The following NAA35 variants were observed in gnomAD, a reference collection of about 807,000 sequenced individuals.
NAA35 encodes the protein MAK10 homolog, amino-acid N-acetyltransferase subunit.
A neutral mutation model predicts 101.7 loss-of-function variants in NAA35; 18 were observed. That is an observed-to-expected ratio of 0.18 (90% CI 0.12 to 0.26). The LOEUF (loss-of-function observed/expected upper bound fraction) is 0.26. Among genes scored for constraint, NAA35 ranks in the 10% least tolerant of loss-of-function variants. The pLI is 1.00. For synonymous variants in NAA35, 267 were observed against 273.1 expected (o/e 0.98, Z 0.22); for missense variants, 601 against 886.8 (o/e 0.68, Z 4.09).
At chr9:86,009,143 A>T (rs1564323332) in intron 14 of NAA35, among the ~76,000 whole-genome samples, 3 of 152,186 alleles carry the variant, frequency 2.0e-5, no homozygotes, top group African/African-American at 4.8e-5. Flanking sequence ...ATTTGAAAAT[A>T]ATCATTTTTA....
At chr9:86,014,753 A>C (rs1397958280) in intron 17 of NAA35, among the ~76,000 whole-genome samples, 1 of 152,234 alleles carries the variant, frequency 6.6e-6, no homozygotes, top group Non-Finnish European at 1.5e-5. Context: ...TTTGACAGAC[A>C]ACTCTTGCCT....
At chr9:85,989,504 G>A (rs967824990) in intron 11 of NAA35, among the ~76,000 whole-genome samples, 1 of 151,680 alleles carries the variant, frequency 6.6e-6, no homozygotes, top group African/African-American at 2.4e-5. Context: ...AAAAAACAAA[G>A]ACAAAACAAA....
intron 12 of NAA35, among the ~76,000 whole-genome samples, chr9:86,000,524 C>T (rs1831379450): frequency 6.6e-6 from 1 of 151,770 alleles, no homozygotes; most frequent in African/African-American, 2.4e-5. Context: ...CCATCACGTC[C>T]TGGCCTTTTT....
At chr9:85,963,689 A>T (rs1172133868) in intron 6 of NAA35, among the ~76,000 whole-genome samples, 1 of 152,192 alleles carries the variant, frequency 6.6e-6, no homozygotes, top group African/African-American at 2.4e-5. Flanking sequence ...TGGAATTTTA[A>T]AAAGATTAGT....
chr9:85,959,957 A>G (rs1395638059), intron 5 of NAA35, 90 bp downstream of exon 5: 3 of 878,242 alleles, frequency 3.4e-6, no homozygotes, highest in Non-Finnish European at 5.3e-6. Flanking sequence ...AATGTTGAGT[A>G]TGAAATAAAT....
intron 11 of NAA35, among the ~76,000 whole-genome samples, chr9:85,995,708 G>T (rs1250348590): frequency 6.6e-6 from 1 of 152,102 alleles, no homozygotes; most frequent in Non-Finnish European, 1.5e-5. Context: ...TCTTATTCAT[G>T]TATCATTTTA....
intron 17 of NAA35, among the ~76,000 whole-genome samples, chr9:86,015,246 G>T (rs185515596): frequency 8.9e-4 from 136 of 152,206 alleles, no homozygotes; most frequent in African/African-American, 1.2e-3. Context: ...TTACACATTT[G>T]TCTATATACA....
At chr9:85,977,017 C>G (rs1830239724) in intron 9 of NAA35, among the ~76,000 whole-genome samples, 2 of 152,112 alleles carry the variant, frequency 1.3e-5, no homozygotes, top group South Asian at 4.1e-4. Context: ...TCAAAAGTTG[C>G]TGAACCTTTG....
chr9:85,970,955 C>A (rs1315683916), intron 6 of NAA35, among the ~76,000 whole-genome samples: 1 of 152,224 alleles, frequency 6.6e-6, no homozygotes, highest in East Asian at 1.9e-4. Flanking sequence ...TTAATACTCA[C>A]AAACTGTCTT....
At chr9:85,975,489 T>C (rs1276051984) in intron 8 of NAA35, among the ~76,000 whole-genome samples, 1 of 152,214 alleles carries the variant, frequency 6.6e-6, no homozygotes, top group Non-Finnish European at 1.5e-5. Context: ...GATATTTGCA[T>C]ATAACCTGTT....
intron 2 of NAA35, among the ~76,000 whole-genome samples, chr9:85,945,646 G>T (rs1201058906): frequency 6.6e-6 from 1 of 151,958 alleles, no homozygotes; most frequent in African/African-American, 2.4e-5. Flanking sequence ...AGCCTCCCGA[G>T]TAGCTGGGAC....
intron 21 of NAA35, among the ~76,000 whole-genome samples, chr9:86,019,423 T>G (rs1336347494): frequency 6.6e-6 from 1 of 152,200 alleles, no homozygotes; most frequent in Non-Finnish European, 1.5e-5. Flanking sequence ...ATTGTGCCAT[T>G]GCACTCCAGC....
chr9:85,955,489 A>T lies in NAA35; in HGVS notation c.125-871A>T, dbSNP rs570965424. On this transcript the variant is annotated intron_variant, in intron 2 of 22. Coordinates refer to ENST00000361671, the MANE Select transcript of NAA35 (RefSeq NM_024635.4). ...GCCATTCTCCTGCCTCAGCCTCCCG[A>T]GTAGCTGGGACTACAGGTGCCCACC... Among the ~76,000 whole-genome samples the T allele has an allele frequency of 2.7e-5, 4 of 149,348 alleles. No individual in the cohort carries two copies. In the South Asian group the frequency reaches 8.5e-4, roughly 32 times the overall value.
intron 22 of NAA35, among the ~76,000 whole-genome samples, chr9:86,021,275 T>C (rs1201929327): frequency 6.6e-6 from 1 of 152,238 alleles, no homozygotes; most frequent in Non-Finnish European, 1.5e-5. Flanking sequence ...ATGAGGTATT[T>C]AAAAGTCATC....
chr9:85,954,448 A>G (rs1306509116), intron 2 of NAA35, among the ~76,000 whole-genome samples: 1 of 152,164 alleles, frequency 6.6e-6, no homozygotes, highest in East Asian at 1.9e-4. Context: ...TTACAAACCT[A>G]CCAGCAGTGC....
At chr9:85,971,828 A>G (rs1830011422) in intron 6 of NAA35, among the ~76,000 whole-genome samples, 1 of 145,420 alleles carries the variant, frequency 6.9e-6, no homozygotes, top group African/African-American at 2.7e-5. Context: ...CCTTTGAAAT[A>G]TATCCTGATT....
intron 11 of NAA35, among the ~76,000 whole-genome samples, chr9:85,984,836 GA>G (rs1216174584): frequency 4.6e-5 from 7 of 152,090 alleles, no homozygotes; most frequent in Non-Finnish European, 8.8e-5. Context: ...GATAAAGTTG[GA>G]TACTCCCCAT....
At chr9:86,013,453 C>T (rs943577092) in intron 16 of NAA35, among the ~76,000 whole-genome samples, 5 of 152,104 alleles carry the variant, frequency 3.3e-5, no homozygotes, top group Non-Finnish European at 7.3e-5. Context: ...TTGTGTGCAG[C>T]AGCAATATTG....
rs1388440642 is a variant in NAA35 at position 86,025,382 on chromosome 9, C to T, written c.*3422C>T. 3.3e-5 allele frequency among the ~76,000 whole-genome samples: 5 copies of T among 152,076 alleles called. No homozygotes were observed. The highest frequency in any genetic ancestry group is 2.1e-4 in the South Asian group (1 of 4,820). On this transcript the variant is annotated 3_prime_UTR_variant, in exon 23 of 23. Coordinates refer to ENST00000361671, the MANE Select transcript of NAA35 (RefSeq NM_024635.4). Reference sequence around the variant, plus strand: ...TGTAGACCATGCAGTGAGGAAAGAGCGACTCAACTGGGCTTGAAGAACTGA... The same window carrying T: ...TGTAGACCATGCAGTGAGGAAAGAGTGACTCAACTGGGCTTGAAGAACTGA...
Sources: allele counts gnomAD v4.1 joint callset (sites outside exome capture counted in the v4.1 genomes callset), GRCh38; gene constraint gnomAD v4.1.1; transcripts MANE v1.5; gene names NCBI Gene and HGNC (gene_info 2026-07-23, HGNC 2026-07-21).